The following SPAG16 variants were observed in gnomAD, a reference collection of about 807,000 sequenced individuals.
SPAG16 encodes sperm-associated antigen 16 protein.
SPAG16 carries 86 observed loss-of-function variants against 80.4 expected under a neutral mutation model. The ratio of observed to expected loss-of-function variants is 1.07; its 90% CI spans 0.90 to 1.28. The LOEUF is 1.28. Ranked by LOEUF, SPAG16 falls within the 50% of genes most tolerant of loss-of-function variation. The probability of loss-of-function intolerance (pLI) is 0.00; values close to 1 mark genes in which losing one functional copy is unlikely to be tolerated. For missense variants in SPAG16, 870 were observed against 765.3 expected (o/e 1.14, Z -1.61); for synonymous variants, 294 against 265.9 (o/e 1.11, Z -1.03).
intron 11 of SPAG16, among the ~76,000 whole-genome samples, chr2:213,927,249 C>G (rs971507184): frequency 1.3e-5 from 2 of 152,188 alleles, no homozygotes; most frequent in Non-Finnish European, 2.9e-5. Context: ...GGAATTAGGG[C>G]ATCAATGTAC....
intron 10 of SPAG16, among the ~76,000 whole-genome samples, chr2:213,546,549 CTG>C (rs1180840351): frequency 6.6e-6 from 1 of 151,878 alleles, no homozygotes; most frequent in Non-Finnish European, 1.5e-5. Flanking sequence ...ATCTCGGTAA[CTG>C]TGCTAGGCAA....
At chr2:214,370,565 TGAGA>T (rs947023551) in intron 15 of SPAG16, among the ~76,000 whole-genome samples, 11 of 151,616 alleles carry the variant, frequency 7.3e-5, no homozygotes, top group African/African-American at 2.7e-4. Context: ...ACCAAGAGAG[TGAGA>T]GAGAGTGTGT....
intron 15 of SPAG16, among the ~76,000 whole-genome samples, chr2:214,250,733 G>GATATATATAT (rs59644776): frequency 8.9e-4 from 100 of 112,328 alleles, no homozygotes; most frequent in African/African-American, 3.3e-3. Flanking sequence ...GGAGCTTTGA[G>GATATATATAT]ATATATATAT....
At chr2:214,350,046 A>G (rs1300978260) in intron 15 of SPAG16, among the ~76,000 whole-genome samples, 2 of 152,156 alleles carry the variant, frequency 1.3e-5, no homozygotes, top group Non-Finnish European at 1.5e-5. Context: ...TCAAAACTTT[A>G]TGAGAACTGC....
At chr2:214,113,039 A>G (rs867132972) in intron 14 of SPAG16, among the ~76,000 whole-genome samples, 49 of 152,026 alleles carry the variant, frequency 3.2e-4, no homozygotes, top group African/African-American at 1.1e-3. Flanking sequence ...ATCTCTCAGC[A>G]TTTGCTTGTC....
At chr2:213,666,638 A>C (rs1212694417) in intron 10 of SPAG16, among the ~76,000 whole-genome samples, 2 of 152,192 alleles carry the variant, frequency 1.3e-5, no homozygotes, top group African/African-American at 4.8e-5. Flanking sequence ...AAACCTGCTC[A>C]GTTCAGAGGA....
At position 213,487,729 on chromosome 2, in the gene SPAG16, A is replaced by G. The variant is rs1012952391; in HGVS notation, c.943-2234A>G. On this transcript the variant is annotated intron_variant, in intron 9 of 15. Coordinates refer to ENST00000331683, the MANE Select transcript of SPAG16 (RefSeq NM_024532.5). ...TCTTTCTATGATTATTGGTTTAACA[A>G]TGCTTATAAAAATTGCTGTGTTTAT... Among the ~76,000 whole-genome samples the G allele has an allele frequency of 1.5e-4, 23 of 152,120 alleles. 1 individual carries two copies. The highest frequency in any genetic ancestry group is 5.3e-4 in the African/African-American group (22 of 41,388).
At chr2:213,718,351 C>T (rs939168522) in intron 10 of SPAG16, among the ~76,000 whole-genome samples, 2 of 152,002 alleles carry the variant, frequency 1.3e-5, no homozygotes. Flanking sequence ...CCCTCGCTTG[C>T]TCTCGGCACC....
chr2:213,960,532 G>T (rs1209541002), intron 12 of SPAG16, among the ~76,000 whole-genome samples: 3 of 152,054 alleles, frequency 2.0e-5, no homozygotes, highest in African/African-American at 7.2e-5. Flanking sequence ...CCCAGGGTTT[G>T]CTGTGGTTTT....
intron 15 of SPAG16, among the ~76,000 whole-genome samples, chr2:214,230,381 G>A (rs1271868685): frequency 6.6e-6 from 1 of 151,894 alleles, no homozygotes; most frequent in East Asian, 1.9e-4. Context: ...CTATCAATCA[G>A]GTAATGTCAA....
intron 13 of SPAG16, among the ~76,000 whole-genome samples, chr2:214,087,770 C>T (rs555976752): frequency 2.4e-4 from 37 of 152,002 alleles, no homozygotes; most frequent in African/African-American, 8.0e-4. Context: ...ATTTAGTGTG[C>T]CAACCAGACA....
intron 10 of SPAG16, among the ~76,000 whole-genome samples, chr2:213,636,477 C>T (rs1286210618): frequency 6.6e-6 from 1 of 152,116 alleles, no homozygotes; most frequent in Non-Finnish European, 1.5e-5. Flanking sequence ...ATTATTTTTT[C>T]TAGTTCTGTA....
chr2:214,177,495 C>G (rs1355673605), intron 15 of SPAG16, among the ~76,000 whole-genome samples: 1 of 150,858 alleles, frequency 6.6e-6, no homozygotes, highest in Non-Finnish European at 1.5e-5. Context: ...CCTGGCAAAC[C>G]CTGATTCATT....
At chr2:214,061,140 A>T (rs72937911) in intron 13 of SPAG16, among the ~76,000 whole-genome samples, 1 of 152,286 alleles carries the variant, frequency 6.6e-6, no homozygotes, top group Non-Finnish European at 1.5e-5. Context: ...CTTCAAACGG[A>T]TCTCCTGAAG....
chr2:213,632,945 A>G (rs1436424472), intron 10 of SPAG16, among the ~76,000 whole-genome samples: 1 of 151,982 alleles, frequency 6.6e-6, no homozygotes, highest in African/African-American at 2.4e-5. Context: ...TATTTGTTGT[A>G]TCTTTGTCTG....
intron 10 of SPAG16, among the ~76,000 whole-genome samples, chr2:213,504,569 G>T (rs2074883200): frequency 6.6e-6 from 1 of 152,200 alleles, no homozygotes; most frequent in Admixed American, 6.5e-5. Context: ...AAGAAGGCTT[G>T]TTGGAAATAG....
chr2:214,266,390 G>A (rs1012931824), intron 15 of SPAG16, among the ~76,000 whole-genome samples: 6 of 151,850 alleles, frequency 4.0e-5, no homozygotes, highest in Non-Finnish European at 5.9e-5. Flanking sequence ...CCAATAGATA[G>A]ACTTTATTTT....
intron 1 of SPAG16, among the ~76,000 whole-genome samples, chr2:213,295,513 A>G (rs2062463169): frequency 6.6e-6 from 1 of 152,134 alleles, no homozygotes. Flanking sequence ...ATGGAGATAC[A>G]TGGAAAAGTA....
intron 13 of SPAG16, among the ~76,000 whole-genome samples, chr2:214,060,011 G>A (rs1314907861): frequency 1.3e-5 from 2 of 152,202 alleles, no homozygotes; most frequent in Middle Eastern, 3.4e-3. Context: ...GGACCTGCGG[G>A]CAATGCAGCC....
Sources: gnomAD v4.1 joint callset for allele counts (sites outside exome capture counted in the v4.1 genomes callset) on GRCh38, gnomAD v4.1.1 for gene constraint, MANE v1.5 for transcripts, NCBI Gene and HGNC (gene_info 2026-07-23, HGNC 2026-07-21) for gene names.